IKZF1: variants seen among roughly 807,000 people sequenced by gnomAD.
The protein encoded by IKZF1 is DNA-binding protein Ikaros.
Under a neutral mutation model 51.7 loss-of-function variants are expected in IKZF1, and 10 were observed. The ratio of observed to expected loss-of-function variants is 0.19; its 90% CI spans 0.12 to 0.33. The LOEUF is 0.33. Ranked by LOEUF, IKZF1 falls within the 10% of genes least tolerant of loss-of-function variation. IKZF1 has a pLI of 1.00. For missense variants in IKZF1, 484 were observed against 707.5 expected (o/e 0.68, Z 3.58); for synonymous variants, 280 against 282.3 (o/e 0.99, Z 0.08).
Position 50,404,383 on chromosome 7 carries a change from A to G in IKZF1, c.*3756A>G, listed in dbSNP as rs1818646046. 8.8e-6 allele frequency: 2 copies of G among 227,146 alleles called. No homozygotes were observed. The highest frequency in any genetic ancestry group is 1.8e-5 in the Non-Finnish European group (2 of 114,066). 14.1% of individuals were successfully genotyped at this position (227,146 alleles called of 1,614,324 possible). A position where few individuals can be genotyped will look rare whatever the true frequency, so the allele number is the denominator to read the frequency against. On this transcript the variant is annotated 3_prime_UTR_variant, in exon 8 of 8. Transcript: ENST00000331340. The stretch of plus-strand genomic sequence containing the variant: ...GGAGGAATAGAGTATCCTTTTGTAC[A>G]CATTTTGAAATGCTTCTTCTGTAGT...
intron 3 of IKZF1, among the ~76,000 whole-genome samples, chr7:50,351,758 T>C (rs909325270): frequency 3.3e-5 from 5 of 152,186 alleles, no homozygotes; most frequent in Non-Finnish European, 5.9e-5. Flanking sequence ...GGAAGGAGCA[T>C]TTCAAGACTA....
chr7:50,343,983 G>A lies in IKZF1; in HGVS notation c.160+16226G>A, dbSNP rs74316305. 9.7e-3 allele frequency among the ~76,000 whole-genome samples: 1,475 copies of A among 152,218 alleles called. 20 individuals carry two copies. Among genetic ancestry groups the A allele is most frequent in the African/African-American group, 0.033 (1,357 of 41,528 alleles). On this transcript the variant is annotated intron_variant, in intron 3 of 7. Coordinates refer to ENST00000331340, the MANE Select transcript of IKZF1 (RefSeq NM_006060.6). Reference sequence around the variant, plus strand: ...ACAAATAAGGCTTAATTGTGAAGTCGTGAGAATTGCTTTCTGAGCTGACTT... The same window carrying A: ...ACAAATAAGGCTTAATTGTGAAGTCATGAGAATTGCTTTCTGAGCTGACTT...
chr7:50,369,577 C>G (rs188548927), intron 3 of IKZF1: 91 of 398,582 alleles, frequency 2.3e-4, no homozygotes, highest in Admixed American at 1.4e-3. Flanking sequence ...TGATGCCTTC[C>G]CCCGCAAAAC....
chr7:50,333,517 C>T (rs1467058342), intron 3 of IKZF1, among the ~76,000 whole-genome samples: 2 of 152,118 alleles, frequency 1.3e-5, no homozygotes, highest in Non-Finnish European at 2.9e-5. Flanking sequence ...TTTTTATCTG[C>T]GAAATGCATC....
intron 7 of IKZF1, among the ~76,000 whole-genome samples, chr7:50,393,566 G>A (rs1387884769): frequency 6.6e-6 from 1 of 152,232 alleles, no homozygotes; most frequent in Non-Finnish European, 1.5e-5. Flanking sequence ...GAGCAAGGGA[G>A]AGAAGGATTC....
rs1806619539 is a variant in IKZF1 at position 50,365,471 on chromosome 7, G to A, written c.161-11062G>A. Among the ~76,000 whole-genome samples, 3 of 152,328 alleles carry A rather than the reference G, an allele frequency of 2.0e-5. No homozygotes were observed. The South Asian group carries it at 6.2e-4, about 32-fold the overall frequency. On this transcript the variant is annotated intron_variant, in intron 3 of 7. Coordinates refer to ENST00000331340, the MANE Select transcript of IKZF1 (RefSeq NM_006060.6). ...GGACTGATTCTTTTGAAACGTGATT[G>A]ACATTCAACGTCTAACTTTCCAAAA...
At chr7:50,375,759 A>T (rs1361922294) in intron 3 of IKZF1, among the ~76,000 whole-genome samples, 2 of 140,982 alleles carry the variant, frequency 1.4e-5, no homozygotes, top group Non-Finnish European at 1.5e-5. Context: ...TCCCTTTGGA[A>T]AAAAAAGCTC....
intron 7 of IKZF1, among the ~76,000 whole-genome samples, chr7:50,394,725 T>C (rs979869025): frequency 2.6e-5 from 4 of 152,208 alleles, no homozygotes; most frequent in African/African-American, 9.7e-5. Flanking sequence ...TTTTGCTTTA[T>C]TGTTCTATAA....
At chr7:50,393,791 A>G (rs1179478433) in intron 7 of IKZF1, 3 of 232,914 alleles carry the variant, frequency 1.3e-5, no homozygotes, top group African/African-American at 6.6e-5. Flanking sequence ...TGGGGTGGAC[A>G]CAGTGACAGA....
intron 3 of IKZF1, among the ~76,000 whole-genome samples, chr7:50,374,770 T>C (rs1809745517): frequency 6.6e-6 from 1 of 152,242 alleles, no homozygotes; most frequent in South Asian, 2.1e-4. Context: ...ACAGAGAAGT[T>C]ACATGACTTG....
At chr7:50,312,040 G>A (rs981551738) in intron 1 of IKZF1, among the ~76,000 whole-genome samples, 1 of 152,120 alleles carries the variant, frequency 6.6e-6, no homozygotes, top group Non-Finnish European at 1.5e-5. Context: ...AAAGCTGTAG[G>A]TTCTATTTTC....
chr7:50,366,872 G>T (rs1807126079), intron 3 of IKZF1, among the ~76,000 whole-genome samples: 1 of 152,154 alleles, frequency 6.6e-6, no homozygotes, highest in Admixed American at 6.5e-5. Context: ...AGGCCAACAA[G>T]CACATCCATA....
At chr7:50,342,679 A>G in intron 3 of IKZF1, among the ~76,000 whole-genome samples, 1 of 151,412 alleles carries the variant, frequency 6.6e-6, no homozygotes, top group Admixed American at 6.6e-5. Context: ...AGAGAAAGAG[A>G]AGCAGCAAGC....
chr7:50,360,193 G>A (rs1346072032), intron 3 of IKZF1, among the ~76,000 whole-genome samples: 1 of 151,898 alleles, frequency 6.6e-6, no homozygotes, highest in Non-Finnish European at 1.5e-5. Context: ...GTGTGTCCTG[G>A]GGGAGATTAC....
At chr7:50,396,686 T>C (rs1290429836) in intron 7 of IKZF1, among the ~76,000 whole-genome samples, 1 of 152,236 alleles carries the variant, frequency 6.6e-6, no homozygotes, top group Non-Finnish European at 1.5e-5. Flanking sequence ...CTTCCCACTA[T>C]ATTTTTTTTT....
At chr7:50,383,313 A>G (rs1812387621) in intron 5 of IKZF1, among the ~76,000 whole-genome samples, 2 of 152,142 alleles carry the variant, frequency 1.3e-5, no homozygotes, top group African/African-American at 4.8e-5. Context: ...TTAAAGTACA[A>G]CCCACATAAT....
intron 3 of IKZF1, among the ~76,000 whole-genome samples, chr7:50,340,577 T>C (rs1798848050): frequency 6.6e-6 from 1 of 152,268 alleles, no homozygotes; most frequent in South Asian, 2.1e-4. Flanking sequence ...GTGCTGTTAT[T>C]ATATTTCTAC....
chr7:50,354,426 A>G (rs1179395348), intron 3 of IKZF1, among the ~76,000 whole-genome samples: 2 of 152,190 alleles, frequency 1.3e-5, no homozygotes, highest in Non-Finnish European at 2.9e-5. Context: ...TCCCAGGCAC[A>G]GGGCAGACAT....
rs1817979445 is a variant in IKZF1, at chr7:50,400,772, T to C, written c.*145T>C. 1.9e-6 allele frequency: 2 copies of C among 1,066,408 alleles called. No individual in the cohort carries two copies. The highest frequency in any genetic ancestry group is 2.6e-6 in the Non-Finnish European group (2 of 755,870). 66.1% of individuals were successfully genotyped at this position (1,066,408 alleles called of 1,614,324 possible). A position where few individuals can be genotyped will look rare whatever the true frequency, so the allele number is the denominator to read the frequency against. On this transcript the variant is annotated 3_prime_UTR_variant, in exon 8 of 8. Coordinates refer to ENST00000331340, the MANE Select transcript of IKZF1 (RefSeq NM_006060.6). The surrounding 1 kb of genome is among the most constrained non-coding windows in gnomAD (Gnocchi z 5.4). ...TTTGTAACTGTTTTTTGTTTTTTGTTTGAGTTGGTTGATTGGGGTTTGATT... is the reference window on the plus strand; with the variant it reads ...TTTGTAACTGTTTTTTGTTTTTTGTCTGAGTTGGTTGATTGGGGTTTGATT...
Sources: gnomAD v4.1 joint callset for allele counts (sites outside exome capture counted in the v4.1 genomes callset) on GRCh38, gnomAD v4.1.1 for gene constraint, Gnocchi (gnomAD v3.1) non-coding constraint, MANE v1.5 for transcripts, NCBI Gene and HGNC (gene_info 2026-07-23, HGNC 2026-07-21) for gene names.